Variants in TMEM131L observed in about 807,000 individuals in gnomAD.
TMEM131L encodes the protein transmembrane protein 131-like.
Under a neutral mutation model 192.2 loss-of-function variants are expected in TMEM131L, and 54 were observed. That is an observed-to-expected ratio of 0.28 (90% CI 0.23 to 0.35). The LOEUF (loss-of-function observed/expected upper bound fraction) is 0.35, where lower values mean the gene tolerates loss of function less well. Among genes scored for constraint, TMEM131L ranks in the 10% least tolerant of loss-of-function variants. TMEM131L has a pLI of 1.00. For synonymous variants in TMEM131L, 701 were observed against 704.9 expected (o/e 0.99, Z 0.09); for missense variants, 1,888 against 1,972.9 (o/e 0.96, Z 0.82).
At chr4:153,570,577 C>A (rs1729520927) in intron 7 of TMEM131L, among the ~76,000 whole-genome samples, 1 of 151,594 alleles carries the variant, frequency 6.6e-6, no homozygotes, top group African/African-American at 2.4e-5. Context: ...ACTCGGCCTG[C>A]CTTCCTTCTG....
Position 153,603,823 on chromosome 4 carries a change from C to T in TMEM131L, c.2811C>T (p.Leu937=), listed in dbSNP as rs746213460. 32 of 1,581,994 alleles carry T rather than the reference C, an allele frequency of 2.0e-5. No individual in the cohort carries two copies. The Admixed American group carries it at 2.8e-4, about 14-fold the overall frequency. Reference sequence around the variant, plus strand: ...TCAGAAGCAATTGCAAGAACTTTCTCGATACATATGGCCCCTCTGATAAAG... The same window carrying T: ...TCAGAAGCAATTGCAAGAACTTTCTTGATACATATGGCCCCTCTGATAAAG... The part of the protein sequence containing the change: ...HSYKSNCKNF[L]DTYGPSDKGR... The change falls in exon 25 of 35, where the codon CTC becomes CTT. Residue 937 remains leucine, a synonymous_variant. Transcript: ENST00000409959.
chr4:153,467,955 C>T (rs2149696951), intron 2 of TMEM131L, among the ~76,000 whole-genome samples: 1 of 152,288 alleles, frequency 6.6e-6, no homozygotes, highest in Admixed American at 6.5e-5. Flanking sequence ...GTGAAGTGTG[C>T]ACATTTAAAT....
intron 3 of TMEM131L, among the ~76,000 whole-genome samples, chr4:153,510,679 A>G (rs2150068684): frequency 6.6e-6 from 1 of 152,258 alleles, no homozygotes; most frequent in African/African-American, 2.4e-5. Flanking sequence ...GGAGTTCAAG[A>G]CCAGCCTGGG....
At chr4:153,616,022 C>T (rs765692185) in intron 26 of TMEM131L, among the ~76,000 whole-genome samples, 17 of 152,128 alleles carry the variant, frequency 1.1e-4, no homozygotes, top group Non-Finnish European at 2.1e-4. Flanking sequence ...CCGTTTACCT[C>T]TGTCCCTAGA....
Position 153,480,390 on chromosome 4 carries a change from TG to T in TMEM131L, c.239+6503del, listed in dbSNP as rs766962039. Among the ~76,000 whole-genome samples the T allele has an allele frequency of 1.1e-3, 173 of 150,726 alleles. 4 individuals carry two copies. The Middle Eastern group carries it at 0.024, about 21-fold the overall frequency. ...CAAAAATAAGCCGGGCGTGGCAGCA[TG>T]AGCCTGTAGTCCCAGCTACTCCAGA... On this transcript the variant is annotated intron_variant, in intron 3 of 34. Coordinates refer to ENST00000409959, the MANE Select transcript of TMEM131L (RefSeq NM_001131007.2).
chr4:153,510,832 A>G (rs1734300514), intron 3 of TMEM131L, among the ~76,000 whole-genome samples: 1 of 151,994 alleles, frequency 6.6e-6, no homozygotes, highest in Non-Finnish European at 1.5e-5. Context: ...GGCTGCAGTG[A>G]GCCATGATCA....
chr4:153,525,408 C>T (rs1041150876), intron 3 of TMEM131L, among the ~76,000 whole-genome samples: 5 of 152,068 alleles, frequency 3.3e-5, no homozygotes, highest in African/African-American at 9.7e-5. Flanking sequence ...GGCGCTATCT[C>T]GGCTCACTGC....
At chr4:153,623,945 A>G (rs1042460899) in intron 29 of TMEM131L, among the ~76,000 whole-genome samples, 1 of 151,898 alleles carries the variant, frequency 6.6e-6, no homozygotes, top group African/African-American at 2.4e-5. Context: ...TTCCCAAGAG[A>G]ATCACTGTTT....
chr4:153,559,811 A>G (rs1157005294), intron 7 of TMEM131L, among the ~76,000 whole-genome samples: 3 of 152,066 alleles, frequency 2.0e-5, no homozygotes, highest in Admixed American at 6.6e-5. Context: ...GTGCATTCCC[A>G]TAGGTCTTAG....
rs774431511 is a variant in TMEM131L at position 153,602,185 on chromosome 4, C to T, written c.2300C>T (p.Thr767Ile). ...GACAGTAAGCAAATTTTATCTATTA[C>T]AAAGAACTTTAAAGTTGAGAATATT... ...LKDSKQILSI[T>I]KNFKVENIGP... Residue 767 changes from threonine to isoleucine, a missense_variant, in exon 22 of 35, where the codon ACA (threonine) becomes ATA (isoleucine). Physicochemically the swap from Thr to Ile is moderately conservative, Grantham distance 89 (BLOSUM62 -1). Transcript: ENST00000409959. 3.1e-6 allele frequency: 5 copies of T among 1,606,332 alleles called. No homozygotes were observed. The South Asian group carries it at 3.4e-5, about 11-fold the overall frequency.
chr4:153,529,380 C>A (rs1220677012), intron 3 of TMEM131L, among the ~76,000 whole-genome samples: 1 of 152,140 alleles, frequency 6.6e-6, no homozygotes, highest in Non-Finnish European at 1.5e-5. Context: ...GTGGGTGTAC[C>A]TGTTTCATCT....
At chr4:153,576,439 A>G (rs1174643434) in intron 7 of TMEM131L, among the ~76,000 whole-genome samples, 1 of 152,240 alleles carries the variant, frequency 6.6e-6, no homozygotes, top group African/African-American at 2.4e-5. Flanking sequence ...TAATAGAAGA[A>G]TCTTAATTAA....
At chr4:153,516,600 T>G (rs1734750180) in intron 3 of TMEM131L, among the ~76,000 whole-genome samples, 1 of 152,202 alleles carries the variant, frequency 6.6e-6, no homozygotes, top group South Asian at 2.1e-4. Context: ...ATATCTACAT[T>G]TGAATGCTTG....
chr4:153,594,723 T>C (rs553095982), intron 19 of TMEM131L, among the ~76,000 whole-genome samples: 3 of 152,320 alleles, frequency 2.0e-5, no homozygotes, highest in Non-Finnish European at 4.4e-5. Flanking sequence ...GATAACCCAT[T>C]ACCACAGACT....
chr4:153,552,184 G>A (rs1737676359), intron 4 of TMEM131L, among the ~76,000 whole-genome samples: 1 of 152,058 alleles, frequency 6.6e-6, no homozygotes, highest in Admixed American at 6.5e-5. Context: ...CCGAGTTCTA[G>A]CCTGGGCGAC....
At chr4:153,606,176 A>G (rs1013267095) in intron 25 of TMEM131L, among the ~76,000 whole-genome samples, 4 of 152,240 alleles carry the variant, frequency 2.6e-5, no homozygotes, top group Admixed American at 2.6e-4. Context: ...TCTGGGGTCT[A>G]GAATACAAAA....
At chr4:153,484,000 C>CTTCTTA (rs1459956466) in intron 3 of TMEM131L, among the ~76,000 whole-genome samples, 1 of 152,130 alleles carries the variant, frequency 6.6e-6, no homozygotes, top group Non-Finnish European at 1.5e-5. Flanking sequence ...TGATATTAAG[C>CTTCTTA]TTCTTATTGC....
At chr4:153,486,565 G>A (rs970485448) in intron 3 of TMEM131L, among the ~76,000 whole-genome samples, 2 of 152,162 alleles carry the variant, frequency 1.3e-5, no homozygotes, top group South Asian at 2.1e-4. Flanking sequence ...CTGGTTCTTC[G>A]GACCTGTCTG....
intron 7 of TMEM131L, among the ~76,000 whole-genome samples, chr4:153,559,158 G>C (rs895057857): frequency 1.5e-4 from 23 of 152,172 alleles, no homozygotes; most frequent in Admixed American, 1.4e-3. Context: ...CCTTGGTCTA[G>C]AGTTTGTATC....
Sources: gnomAD v4.1 joint callset for allele counts (sites outside exome capture counted in the v4.1 genomes callset) on GRCh38, gnomAD v4.1.1 for gene constraint, MANE v1.5 for transcripts, NCBI Gene and HGNC (gene_info 2026-07-23, HGNC 2026-07-21) for gene names.